The following ZNF322 variants were observed in gnomAD, a reference collection of about 807,000 sequenced individuals.
The protein encoded by ZNF322 is zinc finger protein 322, also known as HLA complex group 12.
In ZNF322, 1 loss-of-function variant was observed where a neutral mutation model predicts 18.3. The observed-to-expected ratio is 0.05, with a 90% confidence interval of 0.02 to 0.26. The LOEUF (loss-of-function observed/expected upper bound fraction) is 0.26, where lower values mean the gene tolerates loss of function less well. ZNF322 is among the 10% of genes least tolerant of loss of function. The pLI is 1.00. For synonymous variants in ZNF322, 17 were observed against 130.7 expected, an observed-to-expected ratio of 0.13 and a Z score of 5.93; for missense variants, 36 against 403.6, an observed-to-expected ratio of 0.09 and a Z score of 7.80.
chr6:26,656,095 G>A (rs1395688337), intron 2 of ZNF322, among the ~76,000 whole-genome samples: 1 of 152,118 alleles, frequency 6.6e-6, no homozygotes, highest in African/African-American at 2.4e-5. Context: ...GCAATTTTTT[G>A]TATATCTGTA....
chr6:26,642,768 G>A (rs1765488216), intron 3 of ZNF322, among the ~76,000 whole-genome samples: 1 of 152,082 alleles, frequency 6.6e-6, no homozygotes, highest in Admixed American at 6.6e-5. Flanking sequence ...AGTGAGCAAA[G>A]GACTTATACT....
At chr6:26,650,762 T>C (rs1765653158) in intron 2 of ZNF322, among the ~76,000 whole-genome samples, 1 of 152,158 alleles carries the variant, frequency 6.6e-6, no homozygotes, top group African/African-American at 2.4e-5. Flanking sequence ...CAAAGAAAAT[T>C]TGAAAACTCT....
At chr6:26,649,344 T>C (rs1765610471) in intron 2 of ZNF322, among the ~76,000 whole-genome samples, 1 of 152,092 alleles carries the variant, frequency 6.6e-6, no homozygotes, top group Admixed American at 6.5e-5. Context: ...ACAATAAAGA[T>C]GACATCTCAA....
intron 2 of ZNF322, among the ~76,000 whole-genome samples, chr6:26,655,869 A>C (rs571973843): frequency 6.6e-6 from 1 of 152,322 alleles, no homozygotes; most frequent in Non-Finnish European, 1.5e-5. Context: ...ACTAGATGCC[A>C]GCCCCCGTCT....
chr6:26,656,144 A>G (rs1364914024), intron 2 of ZNF322, among the ~76,000 whole-genome samples: 8 of 152,204 alleles, frequency 5.3e-5, no homozygotes, highest in Non-Finnish European at 8.8e-5. Flanking sequence ...TTGGTTTTCA[A>G]AAAACATGGT....
intron 2 of ZNF322, among the ~76,000 whole-genome samples, chr6:26,656,700 T>G (rs2085642537): frequency 6.6e-6 from 1 of 152,094 alleles, no homozygotes; most frequent in African/African-American, 2.4e-5. Flanking sequence ...AAATTTGTAT[T>G]AGTGTTAAGC....
At chr6:26,643,833 A>C (rs868958626) in intron 2 of ZNF322, 105 bp from the exon 3 acceptor site, 2 of 152,418 alleles carry the variant, frequency 1.3e-5, no homozygotes, top group Non-Finnish European at 2.9e-5. Flanking sequence ...AGTTAAAAAG[A>C]ACAGATGGGT....
intron 3 of ZNF322, among the ~76,000 whole-genome samples, chr6:26,642,941 ACACATCCAGAGTCTAAC>A (rs1406866369): frequency 6.6e-6 from 1 of 152,148 alleles, no homozygotes; most frequent in Non-Finnish European, 1.5e-5. Flanking sequence ...CCATTTCAAA[ACACATCCAGAGTCTAAC>A]CACTTCTCAC....
chr6:26,642,991 G>A (rs1554148449), intron 3 of ZNF322, among the ~76,000 whole-genome samples: 2 of 152,190 alleles, frequency 1.3e-5, no homozygotes, highest in African/African-American at 2.4e-5. Flanking sequence ...TTACATTCCA[G>A]TCCAAACCAC....
chr6:26,649,635 ATATGTGTGTGTGTG>A (rs1765616979), intron 2 of ZNF322, among the ~76,000 whole-genome samples: 1 of 68,488 alleles, frequency 1.5e-5, no homozygotes, highest in Non-Finnish European at 3.1e-5. Flanking sequence ...ATATACATAC[ATATGTGTGTGTGTG>A]TGTGTGTGTG....
At chr6:26,640,656 C>G (rs1390835413) in intron 3 of ZNF322, among the ~76,000 whole-genome samples, 3 of 152,162 alleles carry the variant, frequency 2.0e-5, no homozygotes, top group African/African-American at 4.8e-5. Flanking sequence ...AGAATGTAAG[C>G]CCCTAAAAGA....
Position 26,659,670 on chromosome 6 carries a change from A to T in ZNF322, c.-564T>A, listed in dbSNP as rs1235116284. ...GCCAGGCCGCCCACAGAGCGCTTTA[A>T]CAGAGCGCTTCAAGGGCCCACAAGG... On this transcript the variant is annotated 5_prime_UTR_variant, in exon 1 of 4. Coordinates refer to ENST00000415922, the MANE Select transcript of ZNF322 (RefSeq NM_024639.5). 1 of 163,986 alleles carries T rather than the reference A, an allele frequency of 6.1e-6. No individual in the cohort carries two copies. Among genetic ancestry groups the T allele is most frequent in the Non-Finnish European group, 1.5e-5 (1 of 68,326 alleles). 10.2% of individuals were successfully genotyped at this position (163,986 alleles called of 1,614,324 possible). A position where few individuals can be genotyped will look rare whatever the true frequency, so the allele number is the denominator to read the frequency against.
At position 26,649,311 on chromosome 6, in the gene ZNF322, A is replaced by G. The variant is rs538768810; in HGVS notation, c.-245-5583T>C. 4.0e-5 allele frequency among the ~76,000 whole-genome samples: 4 copies of G among 98,924 alleles called. No homozygotes were observed. In the East Asian group the frequency reaches 7.3e-4, roughly 18 times the overall value. The allele number at this position is 98,924 out of a possible 152,430, so 64.9% of individuals were successfully genotyped here. Reference sequence around the variant, plus strand: ...CAAATAGAAAAGGAAATCCAGAAATAAACACATATAGAAATTTAGTATACA... The same window carrying G: ...CAAATAGAAAAGGAAATCCAGAAATGAACACATATAGAAATTTAGTATACA... On this transcript the variant is annotated intron_variant, in intron 2 of 3. Transcript: ENST00000415922.
intron 2 of ZNF322, among the ~76,000 whole-genome samples, chr6:26,658,014 G>A (rs1482978142): frequency 6.6e-6 from 1 of 152,132 alleles, no homozygotes; most frequent in Non-Finnish European, 1.5e-5. Context: ...GGGACCAAGA[G>A]ACAAAGTTAG....
At chr6:26,640,178 C>T (rs553541533) in intron 3 of ZNF322, among the ~76,000 whole-genome samples, 9 of 152,276 alleles carry the variant, frequency 5.9e-5, no homozygotes, top group South Asian at 4.1e-4. Context: ...CGCAGTAAAA[C>T]GCTTTGAAAT....
chr6:26,657,387 G>A (rs1218190360), intron 2 of ZNF322, among the ~76,000 whole-genome samples: 3 of 152,002 alleles, frequency 2.0e-5, no homozygotes, highest in East Asian at 3.9e-4. Flanking sequence ...GGCCATCTCC[G>A]AGCTTTTGCA....
chr6:26,659,082 T>C (rs1056619025), intron 1 of ZNF322, among the ~76,000 whole-genome samples: 5 of 152,222 alleles, frequency 3.3e-5, no homozygotes, highest in Non-Finnish European at 2.9e-5. Flanking sequence ...GAAATGGTTA[T>C]AGGAAGATTA....
chr6:26,654,056 A>G (rs763982102), intron 2 of ZNF322, among the ~76,000 whole-genome samples: 1 of 152,202 alleles, frequency 6.6e-6, no homozygotes, highest in Non-Finnish European at 1.5e-5. Flanking sequence ...CCCTGTTGGG[A>G]TAAGGGTACA....
intron 2 of ZNF322, among the ~76,000 whole-genome samples, chr6:26,657,505 C>T (rs1765803008): frequency 6.6e-6 from 1 of 152,092 alleles, no homozygotes; most frequent in South Asian, 2.1e-4. Flanking sequence ...CCCTGACTAC[C>T]TTATCTAAAA....
Sources: gnomAD v4.1 joint callset for allele counts (sites outside exome capture counted in the v4.1 genomes callset) on GRCh38, gnomAD v4.1.1 for gene constraint, MANE v1.5 for transcripts, NCBI Gene and HGNC (gene_info 2026-07-23, HGNC 2026-07-21) for gene names.